RGS7BP: variants seen among roughly 807,000 people sequenced by gnomAD.
The protein encoded by RGS7BP is regulator of G protein signaling 7 binding protein.
RGS7BP carries 9 observed loss-of-function variants against 31.3 expected under a neutral mutation model. That is an observed-to-expected ratio of 0.29 (90% CI 0.17 to 0.50). The LOEUF is 0.50. RGS7BP is among the 20% of genes least tolerant of loss of function. The pLI, the probability that RGS7BP is intolerant of heterozygous loss-of-function variation, is 0.98. For missense variants in RGS7BP, 274 were observed against 322.0 expected, an observed-to-expected ratio of 0.85 and a Z score of 1.14; for synonymous variants, 115 against 120.1, an observed-to-expected ratio of 0.96 and a Z score of 0.28.
At chr5:64,513,184 AG>A (rs532443019) in intron 2 of RGS7BP, among the ~76,000 whole-genome samples, 179 of 152,370 alleles carry the variant, frequency 1.2e-3, no homozygotes, top group African/African-American at 4.1e-3. Context: ...ATTCACAAGA[AG>A]AATCTTAATT....
chr5:64,552,183 C>A (rs1389306034), intron 2 of RGS7BP, among the ~76,000 whole-genome samples: 2 of 152,094 alleles, frequency 1.3e-5, no homozygotes, highest in Non-Finnish European at 2.9e-5. Flanking sequence ...ATAATGTGGT[C>A]TAATGTAAAC....
intron 2 of RGS7BP, among the ~76,000 whole-genome samples, chr5:64,517,513 A>G (rs1006279442): frequency 4.6e-5 from 7 of 152,212 alleles, no homozygotes; most frequent in Admixed American, 4.6e-4. Context: ...TGTGTGTAAC[A>G]GAGTGACCCT....
chr5:64,524,985 C>G (rs1369493531), intron 2 of RGS7BP, among the ~76,000 whole-genome samples: 2 of 152,060 alleles, frequency 1.3e-5, no homozygotes, highest in Non-Finnish European at 2.9e-5. Context: ...TGGCCTGGGG[C>G]TTGAGAAAGT....
chr5:64,580,356 T>C (rs995211703), intron 3 of RGS7BP, among the ~76,000 whole-genome samples: 3 of 151,838 alleles, frequency 2.0e-5, no homozygotes. Flanking sequence ...AAATAAGAAA[T>C]GGGGAAGGAA....
intron 2 of RGS7BP, among the ~76,000 whole-genome samples, chr5:64,522,029 C>T (rs540220460): frequency 9.9e-5 from 15 of 152,254 alleles, no homozygotes; most frequent in Non-Finnish European, 1.9e-4. Context: ...TGTGATAATC[C>T]TTATCTGGGT....
At chr5:64,599,535 G>C (rs779973148) in intron 5 of RGS7BP, among the ~76,000 whole-genome samples, 1 of 152,180 alleles carries the variant, frequency 6.6e-6, no homozygotes, top group Non-Finnish European at 1.5e-5. Context: ...AGCTACACAG[G>C]GGTGGAGGTC....
At chr5:64,592,293 C>T (rs1347023713) in intron 3 of RGS7BP, among the ~76,000 whole-genome samples, 2 of 152,078 alleles carry the variant, frequency 1.3e-5, no homozygotes, top group Admixed American at 6.6e-5. Context: ...CCAACATTCA[C>T]GGTTTCCATT....
chr5:64,519,510 C>T (rs748115207), intron 2 of RGS7BP, among the ~76,000 whole-genome samples: 9 of 152,078 alleles, frequency 5.9e-5, no homozygotes, highest in South Asian at 2.1e-4. Context: ...CCAGGGAAAA[C>T]GACTTCATAA....
chr5:64,516,022 C>A (rs1484124142), intron 2 of RGS7BP, among the ~76,000 whole-genome samples: 7 of 151,950 alleles, frequency 4.6e-5, no homozygotes, highest in Admixed American at 1.3e-4. Context: ...AAAGCTAGTC[C>A]TGAACTTCTG....
chr5:64,609,567 T>C lies in RGS7BP; in HGVS notation c.*315T>C, dbSNP rs1401036699. ...GATTTTTAAATTATTTAAAGGTTTT[T>C]TAAATGTATTATACAGAGGAAAAAT... is the stretch of plus-strand genomic sequence containing the variant. On this transcript the variant is annotated 3_prime_UTR_variant, in exon 6 of 6. Coordinates refer to ENST00000334025, the MANE Select transcript of RGS7BP (RefSeq NM_001029875.3). The C allele has an allele frequency of 1.1e-5, 3 of 280,680 alleles. No individual in the cohort carries two copies. 17.4% of individuals were successfully genotyped at this position (280,680 alleles called of 1,614,324 possible).
intron 2 of RGS7BP, among the ~76,000 whole-genome samples, chr5:64,514,223 A>G (rs983438222): frequency 3.3e-5 from 5 of 152,210 alleles, no homozygotes; most frequent in African/African-American, 4.8e-5. Flanking sequence ...CTACTCCAGT[A>G]TGAACTCATC....
chr5:64,593,615 A>C (rs746519749), intron 3 of RGS7BP, among the ~76,000 whole-genome samples: 15 of 152,170 alleles, frequency 9.9e-5, no homozygotes, highest in Non-Finnish European at 2.1e-4. Flanking sequence ...TCCAGACTAC[A>C]TAATGTTATA....
chr5:64,556,327 TGAAATGATTTAAAGTG>T (rs144172201), intron 2 of RGS7BP, among the ~76,000 whole-genome samples: 54,227 of 143,626 alleles, frequency 0.38, 10,997 homozygotes, highest in Middle Eastern at 0.48. Context: ...CCACAGTGGT[TGAAATGATTTAAAGTG>T]GAAATGATTT....
intron 5 of RGS7BP, chr5:64,601,327 G>A: frequency 3.1e-6 from 1 of 322,740 alleles, no homozygotes; most frequent in Non-Finnish European, 4.5e-6. Flanking sequence ...TTCTAACTTG[G>A]CCGTCAACTC....
rs747125587 is a variant in RGS7BP at position 64,506,646 on chromosome 5, C to T, written c.22C>T (p.Arg8Cys). Residue 8 changes from arginine (R) to cysteine (C), a missense_variant, in exon 1 of 6, where the codon CGC (arginine) becomes TGC (cysteine). By Grantham distance (180) the Arg-to-Cys change is radical. Coordinates refer to ENST00000334025, the MANE Select transcript of RGS7BP (RefSeq NM_001029875.3). This position sits in a 1 kb window ranked among gnomAD's most constrained non-coding sequence, Gnocchi z 4.6. ...ATGCATGAGTTCTGCACCGAATGGG[C>T]GCAAAAAGCGCCCCAGCCGGTCCAC... MSSAPNG[R>C]KKRPSRSTRS... is the part of the protein sequence containing the mutation. 27 of 1,611,032 alleles carry T rather than the reference C, an allele frequency of 1.7e-5. No individual in the cohort carries two copies. The highest frequency in any genetic ancestry group is 2.3e-5 in the Non-Finnish European group (27 of 1,178,188).
At chr5:64,515,105 CCT>C (rs1354535007) in intron 2 of RGS7BP, among the ~76,000 whole-genome samples, 1 of 152,034 alleles carries the variant, frequency 6.6e-6, no homozygotes, top group Non-Finnish European at 1.5e-5. Context: ...ATCTTTGCAC[CCT>C]GAGTGGTAAG....
At chr5:64,574,800 A>G (rs1368435098) in intron 2 of RGS7BP, among the ~76,000 whole-genome samples, 1 of 152,222 alleles carries the variant, frequency 6.6e-6, no homozygotes, top group African/African-American at 2.4e-5. Context: ...ACTGACCCAC[A>G]TTACAAAGAA....
At chr5:64,546,291 G>A (rs978945124) in intron 2 of RGS7BP, among the ~76,000 whole-genome samples, 14 of 152,004 alleles carry the variant, frequency 9.2e-5, no homozygotes, top group African/African-American at 1.7e-4. Flanking sequence ...GAGTGCTAGG[G>A]CAGAACCCTG....
At chr5:64,595,817 G>A (rs1743049659) in intron 4 of RGS7BP, among the ~76,000 whole-genome samples, 1 of 151,994 alleles carries the variant, frequency 6.6e-6, no homozygotes, top group Non-Finnish European at 1.5e-5. Context: ...AGCCATTGTG[G>A]TTCTACTTTC....
Sources: allele counts gnomAD v4.1 joint callset (sites outside exome capture counted in the v4.1 genomes callset), GRCh38; gene constraint gnomAD v4.1.1; non-coding constraint Gnocchi (gnomAD v3.1); transcripts MANE v1.5; gene names NCBI Gene and HGNC (gene_info 2026-07-23, HGNC 2026-07-21).